GPR84: variants seen among roughly 807,000 people sequenced by gnomAD.
GPR84 encodes G-protein coupled receptor 84.
A neutral mutation model predicts 14.9 loss-of-function variants in GPR84; 8 were observed. The observed-to-expected ratio is 0.54, with a 90% CI of 0.31 to 0.97. The LOEUF is 0.97. Ranked by LOEUF, GPR84 falls within the 50% of genes least tolerant of loss-of-function variation. GPR84 has a pLI of 0.04. For missense variants in GPR84, 424 were observed against 498.7 expected, an observed-to-expected ratio of 0.85 and a Z score of 1.43; for synonymous variants, 164 against 198.1, an observed-to-expected ratio of 0.83 and a Z score of 1.45.
At chr12:54,351,785 T>A in the GPR84 span, 1 of 152,162 alleles carries the variant, frequency 6.6e-6, no homozygotes, top group Admixed American at 6.5e-5. Flanking sequence ...ATGCATGGAG[T>A]CAGGAGAAAA....
chr12:54,357,338 T>C, the GPR84 span, among the ~76,000 whole-genome samples: 1 of 152,156 alleles, frequency 6.6e-6, no homozygotes, highest in Non-Finnish European at 1.5e-5. Context: ...ATGGGGGCGA[T>C]GTGTGACTCT....
Position 54,362,871 on chromosome 12 carries a change from G to A in GPR84, c.981C>T (p.Cys327=), listed in dbSNP as rs1954285866. The change falls in exon 2 of 2, where the codon TGC becomes TGT. Residue 327 remains cysteine, a synonymous_variant. Coordinates refer to ENST00000267015, the MANE Select transcript of GPR84 (RefSeq NM_020370.3). This position sits in a 1 kb window ranked among gnomAD's most constrained non-coding sequence, Gnocchi z 4.0. ...VTRMCFAVFL[C]FALSYIPFLL... is the part of the protein sequence containing the mutation. ...AGAAGGGGATGTAGCTCAGGGCAAA[G>A]CAGAGGAACACAGCAAAACACATTC... 2 of 1,614,100 alleles carry A rather than the reference G, an allele frequency of 1.2e-6. No homozygotes were observed. The highest frequency in any genetic ancestry group is 1.7e-6 in the Non-Finnish European group (2 of 1,180,044).
the GPR84 span, among the ~76,000 whole-genome samples, chr12:54,356,038 T>C: frequency 6.6e-6 from 1 of 152,142 alleles, no homozygotes; most frequent in African/African-American, 2.4e-5. Context: ...TTTATGGATA[T>C]GGAAGAGGAT....
downstream of GPR84, among the ~76,000 whole-genome samples, chr12:54,359,013 T>A (rs1954239115): frequency 6.6e-6 from 1 of 151,800 alleles, no homozygotes. Flanking sequence ...CACACCCCAG[T>A]TTCCCCTCCC....
In GPR84 at chr12:54,363,864, A is replaced by G. The variant is rs746417187; in HGVS notation, c.-8-5T>C. 2 of 1,549,420 alleles carry G rather than the reference A, an allele frequency of 1.3e-6. No homozygotes were observed. Among genetic ancestry groups the G allele is most frequent in the South Asian group, 2.4e-5 (2 of 84,100 alleles). On this transcript the variant is annotated splice_region_variant and splice_polypyrimidine_tract_variant and intron_variant, in intron 1 of 1. Transcript: ENST00000267015. Reference sequence around the variant, plus strand: ...AGCTGTTCCACATGATAGAGGCTAAAGAGGCAGAGGGTGGAAGAGGAAGAG... The same window carrying G: ...AGCTGTTCCACATGATAGAGGCTAAGGAGGCAGAGGGTGGAAGAGGAAGAG...
In GPR84 at chr12:54,363,588, G is replaced by C. The variant is rs769321967; in HGVS notation, c.264C>G (p.Thr88=). ...CAAATACCCTGCAGAAGGTGGCACC[G>C]GTGCGCCAGTGCAGGTGGAGGTAGG... is the stretch of plus-strand genomic sequence containing the variant. ...VDTYLHLHWR[T]GATFCRVFGL... Residue 88 remains threonine, a synonymous_variant, in exon 2 of 2, where the codon ACC becomes ACG. Coordinates refer to ENST00000267015, the MANE Select transcript of GPR84 (RefSeq NM_020370.3). 6.2e-7 allele frequency: 1 copy of C among 1,613,914 alleles called. No individual in the cohort carries two copies. Among genetic ancestry groups the C allele is most frequent in the Non-Finnish European group, 8.5e-7 (1 of 1,179,936 alleles).
At chr12:54,355,294 G>A in the GPR84 span, among the ~76,000 whole-genome samples, 4 of 151,450 alleles carry the variant, frequency 2.6e-5, no homozygotes, top group African/African-American at 9.7e-5. Context: ...TGGCTCTCCG[G>A]GGCTCCCTCA....
chr12:54,351,273 G>C, the GPR84 span: 1 of 152,328 alleles, frequency 6.6e-6, no homozygotes, highest in Non-Finnish European at 1.5e-5. Context: ...ATCGTTGCCT[G>C]GTTTGTCTTC....
downstream of GPR84, among the ~76,000 whole-genome samples, chr12:54,359,120 G>C (rs1206632073): frequency 6.6e-6 from 1 of 151,978 alleles, no homozygotes; most frequent in Non-Finnish European, 1.5e-5. Flanking sequence ...GCGGGGGAGA[G>C]GAGGAGGGAC....
chr12:54,363,505 A>G lies in GPR84; in HGVS notation c.347T>C (p.Leu116Pro). 1 of 1,614,050 alleles carries G rather than the reference A, an allele frequency of 6.2e-7. No homozygotes were observed. The highest frequency in any genetic ancestry group is 8.5e-7 in the Non-Finnish European group (1 of 1,179,922). ...GTGGGCAATGAGGAGGTAGCGTCCC[A>G]GTGCGATGAGGCAGAGGGTCAGGAT... Reference protein sequence around the residue: ...VSILTLCLIALGRYLLIAHPK... With the variant: ...VSILTLCLIAPGRYLLIAHPK... The change falls in exon 2 of 2, where the codon CTG becomes CCG. Residue 116 changes from leucine to proline, a missense_variant. By Grantham distance (98) the Leu-to-Pro change is moderately conservative (BLOSUM62 -3). Coordinates refer to ENST00000267015, the MANE Select transcript of GPR84 (RefSeq NM_020370.3).
chr12:54,363,920 T>C (rs937389032), intron 1 of GPR84, 61 bp from the exon 2 acceptor site: 46 of 1,139,524 alleles, frequency 4.0e-5, no homozygotes, highest in Non-Finnish European at 5.3e-5. Flanking sequence ...AACTTAGATC[T>C]CTTGAACAGT....
the GPR84 span, among the ~76,000 whole-genome samples, chr12:54,355,650 C>G: frequency 6.6e-6 from 1 of 152,058 alleles, no homozygotes. Context: ...ATCTTCTCCC[C>G]ATTCTCCTTG....
In GPR84 at chr12:54,363,592, C is replaced by T. The variant is rs974784265; in HGVS notation, c.260G>A (p.Arg87His). 5 of 1,613,824 alleles carry T rather than the reference C, an allele frequency of 3.1e-6. No homozygotes were observed. Among genetic ancestry groups the T allele is most frequent in the East Asian group, 2.2e-5 (1 of 44,888 alleles). The change falls in exon 2 of 2, where the codon CGC becomes CAC. Residue 87 changes from arginine (R) to histidine (H), a missense_variant. Transcript: ENST00000267015. ...SVDTYLHLHW[R>H]TGATFCRVFG... is the part of the protein sequence containing the mutation. ...TACCCTGCAGAAGGTGGCACCGGTG[C>T]GCCAGTGCAGGTGGAGGTAGGTGTC...
the GPR84 span, among the ~76,000 whole-genome samples, chr12:54,353,430 C>T: frequency 6.6e-6 from 1 of 151,740 alleles, no homozygotes; most frequent in African/African-American, 2.4e-5. Context: ...GGCGATTCCC[C>T]ATTCTTCCCC....
downstream of GPR84, among the ~76,000 whole-genome samples, chr12:54,362,048 A>G (rs1241666890): frequency 1.3e-5 from 2 of 152,268 alleles, no homozygotes; most frequent in African/African-American, 4.8e-5. The surrounding 1 kb of genome is among the most constrained non-coding windows in gnomAD (Gnocchi z 4.0). Flanking sequence ...AAGCTGGATT[A>G]TAAAACTTTT....
intron 1 of GPR84, 80 bp from the exon 2 acceptor site, chr12:54,363,939 C>T: frequency 1.1e-6 from 1 of 904,808 alleles, no homozygotes; most frequent in African/African-American, 1.7e-5. Context: ...GTTCTGGGAC[C>T]CTGGACATCT....
In GPR84 at chr12:54,362,614, G is replaced by T; in HGVS notation, c.*47C>A. The T allele has an allele frequency of 8.0e-7, 1 of 1,243,340 alleles. No homozygotes were observed. The highest frequency in any genetic ancestry group is 1.1e-6 in the Non-Finnish European group (1 of 877,670). The allele number at this position is 1,243,340 out of a possible 1,614,324, so 77.0% of individuals were successfully genotyped here. On this transcript the variant is annotated 3_prime_UTR_variant, in exon 2 of 2. Transcript: ENST00000267015. The surrounding 1 kb of genome is among the most constrained non-coding windows in gnomAD (Gnocchi z 4.0). ...TATTCTCCTATTACCTGGCCACTTTGGTCCTGGAGGAGACAGTCCTGAATT... is the reference window on the plus strand; with the variant it reads ...TATTCTCCTATTACCTGGCCACTTTTGTCCTGGAGGAGACAGTCCTGAATT...
downstream of GPR84, among the ~76,000 whole-genome samples, chr12:54,360,689 T>G (rs1954259688): frequency 1.3e-5 from 2 of 152,176 alleles, no homozygotes; most frequent in South Asian, 4.1e-4. Flanking sequence ...TGGTTCTTTC[T>G]GCCCTTAATA....
chr12:54,354,589 T>A, the GPR84 span, among the ~76,000 whole-genome samples: 1 of 150,494 alleles, frequency 6.6e-6, no homozygotes, highest in Middle Eastern at 3.5e-3. Flanking sequence ...TGTGCCACTA[T>A]GCCTAGCTTT....
Sources: gnomAD v4.1 joint callset for allele counts (sites outside exome capture counted in the v4.1 genomes callset) on GRCh38, gnomAD v4.1.1 for gene constraint, Gnocchi (gnomAD v3.1) non-coding constraint, MANE v1.5 for transcripts, NCBI Gene and HGNC (gene_info 2026-07-23, HGNC 2026-07-21) for gene names.